Variants in STAG1 observed in about 807,000 individuals in gnomAD.
The protein encoded by STAG1 is STAG1 cohesin complex component.
In STAG1, 26 loss-of-function variants were observed where a neutral mutation model predicts 170.9. The ratio of observed to expected loss-of-function variants is 0.15; its 90% confidence interval spans 0.11 to 0.21. STAG1 has a LOEUF of 0.21. Ranked by LOEUF, STAG1 falls within the 10% of genes least tolerant of loss-of-function variation. The pLI is 1.00. For missense variants in STAG1, 964 were observed against 1,509.5 expected (o/e 0.64, Z 5.99); for synonymous variants, 514 against 497.7 (o/e 1.03, Z -0.44).
At chr3:136,374,197 G>C (rs936679792) in intron 23 of STAG1, among the ~76,000 whole-genome samples, 1 of 152,038 alleles carries the variant, frequency 6.6e-6, no homozygotes, top group Non-Finnish European at 1.5e-5. Context: ...TTGCTTGGTA[G>C]ATCTTCCTCC....
chr3:136,537,340 T>C (rs1051095793), intron 6 of STAG1, among the ~76,000 whole-genome samples: 2 of 152,158 alleles, frequency 1.3e-5, no homozygotes, highest in African/African-American at 4.8e-5. Flanking sequence ...CAGACTGCTT[T>C]GTGTCACAAA....
chr3:136,341,700 A>T, intron 30 of STAG1, 149 bp from the exon 31 acceptor site: 1 of 607,302 alleles, frequency 1.6e-6, no homozygotes, highest in Non-Finnish European at 2.9e-6. Context: ...TAAAAAAGGC[A>T]ATAAGTTGCC....
At chr3:136,410,893 G>A (rs112120993) in intron 21 of STAG1, among the ~76,000 whole-genome samples, 11 of 151,884 alleles carry the variant, frequency 7.2e-5, no homozygotes, top group Non-Finnish European at 5.9e-5. Context: ...AGAATCTCTT[G>A]AAAATACAAA....
At chr3:136,446,810 A>AT (rs112662658) in intron 14 of STAG1, among the ~76,000 whole-genome samples, 1,916 of 142,822 alleles carry the variant, frequency 0.013, 17 homozygotes, top group African/African-American at 0.037. Context: ...TCTCTTTCAT[A>AT]TTTTTTTTTT....
At chr3:136,451,965 A>T (rs983494348) in intron 14 of STAG1, 68 bp downstream of exon 14, 2 of 1,050,810 alleles carry the variant, frequency 1.9e-6, no homozygotes, top group African/African-American at 1.6e-5. Context: ...GAAAAAAATT[A>T]AAATGAATTG....
At chr3:136,640,384 T>C (rs1940745158) in intron 1 of STAG1, among the ~76,000 whole-genome samples, 2 of 151,766 alleles carry the variant, frequency 1.3e-5, no homozygotes, top group Non-Finnish European at 2.9e-5. Flanking sequence ...TTTTTTTTTT[T>C]TTGAGACGGA....
At chr3:136,448,331 G>C (rs2088843047) in intron 14 of STAG1, among the ~76,000 whole-genome samples, 1 of 152,156 alleles carries the variant, frequency 6.6e-6, no homozygotes, top group Non-Finnish European at 1.5e-5. Flanking sequence ...ATTTATAAGG[G>C]AAAGAGATTT....
intron 13 of STAG1, 38 bp downstream of exon 13, chr3:136,464,843 A>T: frequency 6.6e-7 from 1 of 1,526,350 alleles, no homozygotes. Flanking sequence ...AAAACAACAT[A>T]GAAAAGTAGA....
intron 3 of STAG1, among the ~76,000 whole-genome samples, chr3:136,610,936 A>G (rs1939243454): frequency 6.6e-6 from 1 of 152,122 alleles, no homozygotes; most frequent in Admixed American, 6.6e-5. Context: ...AATCATCATC[A>G]TAGTTTCCTT....
chr3:136,433,487 T>G, intron 16 of STAG1, 69 bp downstream of exon 16: 1 of 1,129,264 alleles, frequency 8.9e-7, no homozygotes, highest in Non-Finnish European at 1.3e-6. Flanking sequence ...TCAGTAAAAT[T>G]TCCAAATATT....
chr3:136,604,381 G>T lies in STAG1; in HGVS notation c.225C>A (p.His75Gln), dbSNP rs1296102233. Residue 75 changes from histidine to glutamine, a missense_variant, in exon 4 of 34, where the codon CAC becomes CAA. His to Gln is a conservative substitution (Grantham distance 24). Around this residue, in one of 11 missense-constraint regions of STAG1, gnomAD observed 108 missense variants for 120.2 expected, o/e 0.90. Transcript: ENST00000383202. ...GCTCCCCTTCCCCATTCTGTTGAGG[G>T]TGTCCATTAGCTCTTCCACGGCCTG... ...RGAGRGRANGHPQQNGEGEPV... is the reference protein window; with the variant it reads ...RGAGRGRANGQPQQNGEGEPV... 1.9e-6 allele frequency: 3 copies of T among 1,613,374 alleles called. No homozygotes were observed. The highest frequency in any genetic ancestry group is 2.5e-6 in the Non-Finnish European group (3 of 1,179,776).
intron 7 of STAG1, among the ~76,000 whole-genome samples, chr3:136,515,410 A>C (rs967304617): frequency 3.3e-5 from 5 of 152,200 alleles, no homozygotes; most frequent in Non-Finnish European, 5.9e-5. Flanking sequence ...TAAGTGACTT[A>C]TGTATGTTAC....
At chr3:136,502,882 TTC>T (rs1933555000) in intron 7 of STAG1, 103 bp from the exon 8 acceptor site, 5 of 958,290 alleles carry the variant, frequency 5.2e-6, no homozygotes, top group Admixed American at 3.8e-5. Context: ...ACTAGTGAAT[TTC>T]TGTTTTACAA....
intron 1 of STAG1, among the ~76,000 whole-genome samples, chr3:136,660,015 T>C (rs890815102): frequency 1.3e-5 from 2 of 152,288 alleles, no homozygotes; most frequent in Non-Finnish European, 2.9e-5. Flanking sequence ...CCCATCTCTA[T>C]AAAATTTTTT....
chr3:136,630,886 C>G lies in STAG1; in HGVS notation c.13G>C (p.Glu5Gln), dbSNP rs1158513940. 6.4e-7 allele frequency: 1 copy of G among 1,562,800 alleles called. No individual in the cohort carries two copies. Among genetic ancestry groups the G allele is most frequent in the East Asian group, 2.4e-5 (1 of 41,624 alleles). MITS[E>Q]LPVLQDSTNE... ...AATACTTACTGTAACACTGGTAATT[C>G]TGAAGTAATCATTGCTGGAGAGGTC... The change falls in exon 2 of 34, where the codon GAA (glutamate) becomes CAA (glutamine). Residue 5 changes from glutamate (E) to glutamine (Q), a missense_variant. Transcript: ENST00000383202.
chr3:136,718,139 C>A (rs1932971580), intron 1 of STAG1, among the ~76,000 whole-genome samples: 1 of 152,084 alleles, frequency 6.6e-6, no homozygotes, highest in Admixed American at 6.6e-5. Flanking sequence ...ATTTCTGTAT[C>A]TCACTAATCA....
chr3:136,337,964 A>T lies in STAG1; in HGVS notation c.*290T>A, dbSNP rs923754856. ...ATCTTGACAGCTGTTTTAAAAATTT[A>T]AAATTTCTTCCTCCCTCCAGAAAAA... is the stretch of plus-strand genomic sequence containing the variant. On this transcript the variant is annotated 3_prime_UTR_variant, in exon 34 of 34. Transcript: ENST00000383202. 4.9e-5 allele frequency: 15 copies of T among 309,044 alleles called. No individual in the cohort carries two copies. Among genetic ancestry groups the T allele is most frequent in the Non-Finnish European group, 7.7e-5 (13 of 169,040 alleles). 19.1% of individuals were successfully genotyped at this position (309,044 alleles called of 1,614,324 possible). A position where few individuals can be genotyped will look rare whatever the true frequency, so the allele number is the denominator to read the frequency against.
chr3:136,357,952 G>T, intron 27 of STAG1, 104 bp from the exon 28 acceptor site: 1 of 946,830 alleles, frequency 1.1e-6, no homozygotes, highest in Admixed American at 2.9e-5. Flanking sequence ...TATCACAAAA[G>T]GTAGTAAAAT....
At chr3:136,448,024 AC>A (rs910637267) in intron 14 of STAG1, among the ~76,000 whole-genome samples, 8 of 152,182 alleles carry the variant, frequency 5.3e-5, no homozygotes, top group African/African-American at 1.9e-4. Context: ...CATCTAAAAT[AC>A]AAGGTATTTT....
Sources: gnomAD v4.1 joint callset for allele counts (sites outside exome capture counted in the v4.1 genomes callset) on GRCh38, gnomAD v4.1.1 for gene constraint, gnomAD v4.1.1 regional missense constraint, MANE v1.5 for transcripts, NCBI Gene and HGNC (gene_info 2026-07-23, HGNC 2026-07-21) for gene names.